SGSM1: variants seen among roughly 807,000 people sequenced by gnomAD.
The protein encoded by SGSM1 is RUN and TBC1 domain containing 2.
In SGSM1, 73 loss-of-function variants were observed where a neutral mutation model predicts 133.8. That is an observed-to-expected ratio of 0.55 (90% CI 0.45 to 0.66). SGSM1 has a LOEUF of 0.66. Ranked by LOEUF, SGSM1 falls within the 30% of genes least tolerant of loss-of-function variation. The probability of loss-of-function intolerance (pLI) is 0.00; values close to 1 mark genes in which losing one functional copy is unlikely to be tolerated. For synonymous variants in SGSM1, 563 were observed against 573.0 expected, an observed-to-expected ratio of 0.98 and a Z score of 0.25; for missense variants, 1,213 against 1,448.1, an observed-to-expected ratio of 0.84 and a Z score of 2.64.
chr22:24,813,823 C>T (rs373738215), intron 2 of SGSM1: 1 of 152,186 alleles, frequency 6.6e-6, no homozygotes, highest in African/African-American at 2.4e-5. Context: ...TGGGTCTCCC[C>T]CAGCCACCTC....
At chr22:24,851,248 A>G (rs921392935) in intron 5 of SGSM1, among the ~76,000 whole-genome samples, 21 of 152,104 alleles carry the variant, frequency 1.4e-4, no homozygotes, top group Admixed American at 8.5e-4. Context: ...TCATCCAGCA[A>G]ATATTTAAAT....
intron 22 of SGSM1, among the ~76,000 whole-genome samples, chr22:24,914,810 G>C (rs981932220): frequency 6.6e-6 from 1 of 152,166 alleles, no homozygotes; most frequent in African/African-American, 2.4e-5. Flanking sequence ...TGTGTTAGGA[G>C]TACAACGCAT....
Position 24,837,956 on chromosome 22 carries a change from A to G in SGSM1, c.64-6941A>G, listed in dbSNP as rs530464660. Among the ~76,000 whole-genome samples, 445 of 152,340 alleles carry G rather than the reference A, an allele frequency of 2.9e-3. 2 individuals are homozygous for G. Among genetic ancestry groups the G allele is most frequent in the African/African-American group, 0.01 (426 of 41,590 alleles). On this transcript the variant is annotated intron_variant, in intron 2 of 24. Coordinates refer to ENST00000400358, the MANE Select transcript of SGSM1 (RefSeq NM_001098497.3). ...AACTATTCTTGTTTTATATTTTATT[A>G]TACTGGAACAGCTCGTGTCCTCTGT...
At chr22:24,913,866 C>G (rs1315537271) in intron 22 of SGSM1, among the ~76,000 whole-genome samples, 1 of 150,524 alleles carries the variant, frequency 6.6e-6, no homozygotes, top group African/African-American at 2.5e-5. Flanking sequence ...ACTAAAAATA[C>G]AAACATTGGC....
intron 15 of SGSM1, among the ~76,000 whole-genome samples, chr22:24,884,879 T>C (rs1601953973): frequency 1.3e-5 from 2 of 152,108 alleles, no homozygotes; most frequent in East Asian, 3.8e-4. Context: ...AAAGTCATCC[T>C]AGTGTGCACA....
At chr22:24,855,812 G>T (rs535650448) in intron 8 of SGSM1, 132 bp downstream of exon 8, 3 of 1,298,462 alleles carry the variant, frequency 2.3e-6, no homozygotes, top group Non-Finnish European at 2.2e-6. Flanking sequence ...ACATCCACCC[G>T]CCCAACACTC....
intron 2 of SGSM1, among the ~76,000 whole-genome samples, chr22:24,830,783 G>A (rs554325475): frequency 1.2e-5 from 1 of 85,350 alleles, no homozygotes; most frequent in South Asian, 3.5e-4. Context: ...AGTAGTTGGG[G>A]AAGGGGGTTA....
chr22:24,926,578 A>G lies in SGSM1; in HGVS notation c.*2304A>G, dbSNP rs1229504125. On this transcript the variant is annotated 3_prime_UTR_variant, in exon 25 of 25. Transcript: ENST00000400358. The stretch of plus-strand genomic sequence containing the variant: ...TAACAGACTAGTCTCAAAGTACAGC[A>G]CAAAATCTCTTCTCTGCCTTCTCTT... The G allele has an allele frequency of 1.3e-5, 2 of 152,202 alleles. No individual in the cohort carries two copies. Among genetic ancestry groups the G allele is most frequent in the Admixed American group, 6.5e-5 (1 of 15,274 alleles). 9.4% of individuals were successfully genotyped at this position (152,202 alleles called of 1,614,324 possible). A position where few individuals can be genotyped will look rare whatever the true frequency, so the allele number is the denominator to read the frequency against.
At chr22:24,871,244 G>A (rs1054073639) in intron 12 of SGSM1, among the ~76,000 whole-genome samples, 4 of 152,136 alleles carry the variant, frequency 2.6e-5, no homozygotes, top group Non-Finnish European at 4.4e-5. Context: ...CTTGAGAACC[G>A]TTGGTTTAGA....
chr22:24,890,171 T>C (rs748608922), intron 16 of SGSM1, among the ~76,000 whole-genome samples: 3 of 151,766 alleles, frequency 2.0e-5, no homozygotes, highest in Non-Finnish European at 2.9e-5. Context: ...TTAGATAGGA[T>C]GGTCTCGATC....
At chr22:24,837,145 G>A (rs1271458721) in intron 2 of SGSM1, among the ~76,000 whole-genome samples, 1 of 152,192 alleles carries the variant, frequency 6.6e-6, no homozygotes, top group Non-Finnish European at 1.5e-5. Context: ...ACGGAGACCG[G>A]TAGTGGCCCC....
chr22:24,854,903 A>C, intron 5 of SGSM1, 93 bp from the exon 6 acceptor site: 14 of 950,992 alleles, frequency 1.5e-5, no homozygotes, highest in Non-Finnish European at 2.0e-5. Flanking sequence ...TCTGGGTGGT[A>C]ACCGAGTGAC....
At chr22:24,903,168 A>G (rs894550327) in intron 20 of SGSM1, among the ~76,000 whole-genome samples, 2 of 152,124 alleles carry the variant, frequency 1.3e-5, no homozygotes, top group Non-Finnish European at 1.5e-5. Context: ...ATTTAGTAAT[A>G]TCTAATTGAT....
At chr22:24,843,736 G>A (rs964311039) in intron 2 of SGSM1, 3 of 152,280 alleles carry the variant, frequency 2.0e-5, no homozygotes, top group Non-Finnish European at 4.4e-5. Flanking sequence ...AACACCAAGA[G>A]CAGAGAGGCA....
chr22:24,861,822 AT>A (rs981239751), intron 9 of SGSM1, among the ~76,000 whole-genome samples: 4 of 147,394 alleles, frequency 2.7e-5, no homozygotes, highest in South Asian at 4.3e-4. Context: ...GGTTATTTTT[AT>A]TTTTTTTTAA....
intron 16 of SGSM1, 94 bp from the exon 17 acceptor site, chr22:24,893,337 G>C (rs1932846460): frequency 7.6e-7 from 1 of 1,314,280 alleles, no homozygotes. Flanking sequence ...CGTGAATGTT[G>C]GATGGATCAG....
chr22:24,923,545 C>T (rs929430181), intron 24 of SGSM1, among the ~76,000 whole-genome samples: 2 of 151,950 alleles, frequency 1.3e-5, no homozygotes, highest in South Asian at 2.1e-4. Context: ...TATCTTTCAG[C>T]GTCTACTGTG....
chr22:24,836,697 T>C (rs572827407), intron 2 of SGSM1, among the ~76,000 whole-genome samples: 23 of 152,346 alleles, frequency 1.5e-4, no homozygotes, highest in Admixed American at 5.9e-4. Flanking sequence ...ATTGAACATC[T>C]TTCCATGTGC....
intron 2 of SGSM1, among the ~76,000 whole-genome samples, chr22:24,819,757 C>T (rs1016462178): frequency 3.3e-5 from 5 of 152,228 alleles, no homozygotes; most frequent in African/African-American, 1.2e-4. Flanking sequence ...CAGTGTTAGA[C>T]ACACTATTGG....
Sources: allele counts gnomAD v4.1 joint callset (sites outside exome capture counted in the v4.1 genomes callset), GRCh38; gene constraint gnomAD v4.1.1; transcripts MANE v1.5; gene names NCBI Gene and HGNC (gene_info 2026-07-23, HGNC 2026-07-21).